Variants in TMEFF2 observed in about 807,000 individuals in gnomAD.
TMEFF2 encodes transmembrane protein with EGF like and two follistatin like domains 2, also known as tomoregulin-2.
In TMEFF2, 28 loss-of-function variants were observed where a neutral mutation model predicts 53.8. That is an observed-to-expected ratio of 0.52 (90% CI 0.39 to 0.71). TMEFF2 has a LOEUF of 0.71. Ranked by LOEUF, TMEFF2 falls within the 30% of genes least tolerant of loss-of-function variation. The probability of loss-of-function intolerance (pLI) is 0.00; values close to 1 mark genes in which losing one functional copy is unlikely to be tolerated. For missense variants in TMEFF2, 353 were observed against 455.2 expected, an observed-to-expected ratio of 0.78 and a Z score of 2.04; for synonymous variants, 162 against 166.3, an observed-to-expected ratio of 0.97 and a Z score of 0.20.
At chr2:191,999,527 C>A (rs985899324) in intron 5 of TMEFF2, among the ~76,000 whole-genome samples, 3 of 151,930 alleles carry the variant, frequency 2.0e-5, no homozygotes, top group African/African-American at 7.2e-5. Context: ...TATGAATAGG[C>A]TGAGGTCATG....
intron 4 of TMEFF2, among the ~76,000 whole-genome samples, chr2:192,092,212 TAA>T (rs1259401098): frequency 6.6e-6 from 1 of 152,128 alleles, no homozygotes; most frequent in Non-Finnish European, 1.5e-5. Flanking sequence ...GGAATCACAA[TAA>T]AGTTTTCACA....
chr2:192,059,457 A>C (rs1268319549), intron 4 of TMEFF2, among the ~76,000 whole-genome samples: 1 of 152,074 alleles, frequency 6.6e-6, no homozygotes, highest in African/African-American at 2.4e-5. Flanking sequence ...CGGTCTCTTT[A>C]TTACTTTCTG....
intron 8 of TMEFF2, among the ~76,000 whole-genome samples, chr2:191,954,906 T>C (rs944841789): frequency 6.6e-6 from 1 of 151,934 alleles, no homozygotes; most frequent in East Asian, 1.9e-4. Context: ...CAACATATCA[T>C]TGATTTTGTG....
At chr2:192,050,391 A>T (rs1487011652) in intron 5 of TMEFF2, among the ~76,000 whole-genome samples, 1 of 152,216 alleles carries the variant, frequency 6.6e-6, no homozygotes, top group Admixed American at 6.5e-5. Context: ...TAAATAAAAA[A>T]GGTAGGCTAG....
intron 5 of TMEFF2, chr2:192,021,809 G>A (rs1686866263): frequency 6.6e-6 from 1 of 152,204 alleles, no homozygotes. Flanking sequence ...GTGAGCTGAA[G>A]TAAGGAGGAT....
intron 4 of TMEFF2, among the ~76,000 whole-genome samples, chr2:192,105,395 T>C (rs986747161): frequency 3.3e-5 from 5 of 151,974 alleles, no homozygotes; most frequent in Non-Finnish European, 7.4e-5. Flanking sequence ...GTAAAATTAA[T>C]AACAGCTATT....
chr2:192,042,451 A>T (rs1440729000), intron 5 of TMEFF2, among the ~76,000 whole-genome samples: 4 of 152,226 alleles, frequency 2.6e-5, no homozygotes, highest in African/African-American at 7.2e-5. Flanking sequence ...CTCAAGTTCC[A>T]GCGGGCACCT....
chr2:192,138,852 C>T (rs1002356401), intron 4 of TMEFF2, among the ~76,000 whole-genome samples: 1 of 152,132 alleles, frequency 6.6e-6, no homozygotes, highest in African/African-American at 2.4e-5. Context: ...CTAAAGTACA[C>T]CTTAGGTTTT....
chr2:192,073,427 CT>C (rs1049094156), intron 4 of TMEFF2, among the ~76,000 whole-genome samples: 47 of 147,186 alleles, frequency 3.2e-4, no homozygotes, highest in Admixed American at 6.8e-4. Context: ...ATGATTTCAA[CT>C]TTTTTTTTTT....
At chr2:192,011,030 G>A (rs1213102858) in intron 5 of TMEFF2, among the ~76,000 whole-genome samples, 1 of 152,198 alleles carries the variant, frequency 6.6e-6, no homozygotes, top group Non-Finnish European at 1.5e-5. Flanking sequence ...TTTAGGTACT[G>A]ATAATGGGCT....
chr2:192,069,964 ATG>A (rs377496762), intron 4 of TMEFF2, among the ~76,000 whole-genome samples: 202 of 86,574 alleles, frequency 2.3e-3, no homozygotes, highest in African/African-American at 8.4e-3. Context: ...ATTTAGAAAA[ATG>A]TGTGTGTGTG....
chr2:192,171,469 T>A (rs1690911930), intron 4 of TMEFF2, among the ~76,000 whole-genome samples: 1 of 151,804 alleles, frequency 6.6e-6, no homozygotes, highest in Non-Finnish European at 1.5e-5. Context: ...ATTACAACAT[T>A]CTCCTCTCCT....
In TMEFF2 at chr2:192,121,656, G is replaced by T. The variant is rs560580434; in HGVS notation, c.439+58012C>A. Among the ~76,000 whole-genome samples the T allele has an allele frequency of 2.6e-5, 4 of 152,258 alleles. No individual in the cohort carries two copies. In the South Asian group the frequency reaches 8.3e-4, roughly 32 times the overall value. ...GGTGATGGTAATACTGCTGGTTTTA[G>T]GATCACACCTGAATAGCAAGATTCC... On this transcript the variant is annotated intron_variant, in intron 4 of 9. Transcript: ENST00000272771.
intron 4 of TMEFF2, among the ~76,000 whole-genome samples, chr2:192,143,604 AT>A (rs1158835604): frequency 1.3e-5 from 2 of 152,120 alleles, no homozygotes; most frequent in Non-Finnish European, 2.9e-5. Flanking sequence ...AATATCATGG[AT>A]GGCTAGACAG....
At chr2:191,982,269 G>C (rs1685870083) in intron 7 of TMEFF2, among the ~76,000 whole-genome samples, 1 of 152,090 alleles carries the variant, frequency 6.6e-6, no homozygotes, top group Non-Finnish European at 1.5e-5. Flanking sequence ...AGACATTAGA[G>C]ATTATCTATC....
At chr2:192,189,212 C>A (rs1350134664) in intron 2 of TMEFF2, among the ~76,000 whole-genome samples, 1 of 151,918 alleles carries the variant, frequency 6.6e-6, no homozygotes, top group Non-Finnish European at 1.5e-5. Context: ...AAAATATATG[C>A]CCATTTCTCT....
At chr2:192,109,646 G>T (rs1416972434) in intron 4 of TMEFF2, among the ~76,000 whole-genome samples, 2 of 152,076 alleles carry the variant, frequency 1.3e-5, no homozygotes, top group African/African-American at 2.4e-5. Flanking sequence ...ATATGGTGGG[G>T]AGGTAGAGGA....
intron 4 of TMEFF2, among the ~76,000 whole-genome samples, chr2:192,071,771 G>C (rs1227675076): frequency 3.3e-5 from 5 of 151,802 alleles, no homozygotes; most frequent in Non-Finnish European, 4.4e-5. Context: ...ATGATGGCAA[G>C]AAAAAATCTG....
intron 5 of TMEFF2, among the ~76,000 whole-genome samples, chr2:192,008,708 G>C (rs1686558701): frequency 1.3e-5 from 2 of 152,156 alleles, no homozygotes. Context: ...TGAATCATGT[G>C]GTAGACTAGA....
Sources: gnomAD v4.1 joint callset for allele counts (sites outside exome capture counted in the v4.1 genomes callset) on GRCh38, gnomAD v4.1.1 for gene constraint, MANE v1.5 for transcripts, NCBI Gene and HGNC (gene_info 2026-07-23, HGNC 2026-07-21) for gene names.